SCTR: variants seen among roughly 807,000 people sequenced by gnomAD.
SCTR encodes the protein secretin receptor.
A neutral mutation model predicts 60.8 loss-of-function variants in SCTR; 56 were observed. The ratio of observed to expected loss-of-function variants is 0.92; its 90% CI spans 0.74 to 1.15. The LOEUF (loss-of-function observed/expected upper bound fraction) is 1.15, where lower values mean the gene tolerates loss of function less well. Ranked by LOEUF, SCTR falls within the 50% of genes most tolerant of loss-of-function variation. SCTR has a pLI of 0.00. For synonymous variants in SCTR, 202 were observed against 217.0 expected (o/e 0.93, Z 0.61); for missense variants, 562 against 550.4 (o/e 1.02, Z -0.21).
chr2:119,461,634 C>A (rs1683606054), intron 7 of SCTR, among the ~76,000 whole-genome samples: 1 of 149,702 alleles, frequency 6.7e-6, no homozygotes, highest in African/African-American at 2.5e-5. Flanking sequence ...TCACTTGAAC[C>A]TGGGAGATGA....
At chr2:119,519,616 C>T (rs550569653) in intron 1 of SCTR, among the ~76,000 whole-genome samples, 65 of 151,586 alleles carry the variant, frequency 4.3e-4, no homozygotes, top group African/African-American at 1.5e-3. Flanking sequence ...ACAAGCCTGG[C>T]CAATGTGGTG....
At chr2:119,441,446 C>G (rs1682650751) in intron 12 of SCTR, 112 bp downstream of exon 12, 1 of 846,150 alleles carries the variant, frequency 1.2e-6, no homozygotes, top group Non-Finnish European at 2.0e-6. Context: ...CCAGGACTCC[C>G]TCTGACCCTT....
chr2:119,522,098 C>G (rs920732550), intron 1 of SCTR, among the ~76,000 whole-genome samples: 27 of 152,106 alleles, frequency 1.8e-4, no homozygotes, highest in Non-Finnish European at 3.7e-4. Context: ...AGTTTCAGAC[C>G]AGCCTGACCA....
At chr2:119,483,963 T>C (rs1177610714) in intron 2 of SCTR, among the ~76,000 whole-genome samples, 1 of 151,996 alleles carries the variant, frequency 6.6e-6, no homozygotes, top group Non-Finnish European at 1.5e-5. Context: ...CAAGCAGGAA[T>C]GGGAGGCAGG....
chr2:119,510,664 A>T (rs1270140099), intron 1 of SCTR, among the ~76,000 whole-genome samples: 1 of 152,002 alleles, frequency 6.6e-6, no homozygotes, highest in Non-Finnish European at 1.5e-5. Context: ...AAGATGAAAG[A>T]ATTGCTGAAC....
chr2:119,442,974 C>T (rs1419871667), intron 11 of SCTR, among the ~76,000 whole-genome samples: 1 of 152,142 alleles, frequency 6.6e-6, no homozygotes, highest in Non-Finnish European at 1.5e-5. Context: ...CTCTCGGAGG[C>T]AGGTGGGAGG....
chr2:119,449,975 GGGAAGGAA>G (rs66849843), intron 9 of SCTR, among the ~76,000 whole-genome samples: 12 of 119,182 alleles, frequency 1.0e-4, no homozygotes, highest in South Asian at 9.4e-4. Flanking sequence ...GAGGGAGGGA[GGGAAGGAA>G]GGAAGGAAGG....
chr2:119,475,638 T>C lies in SCTR; in HGVS notation c.302-2082A>G, dbSNP rs1677245488. Among the ~76,000 whole-genome samples the C allele has an allele frequency of 2.7e-5, 4 of 146,668 alleles. No individual in the cohort carries two copies. The South Asian group carries it at 8.4e-4, about 31-fold the overall frequency. ...TATATATAGATGTAGATATTTATAT[T>C]ATATATATAATATAAATAGATATTT... On this transcript the variant is annotated intron_variant, in intron 3 of 12. Coordinates refer to ENST00000019103, the MANE Select transcript of SCTR (RefSeq NM_002980.3).
At chr2:119,469,860 T>C (rs1676926723) in intron 4 of SCTR, among the ~76,000 whole-genome samples, 2 of 152,176 alleles carry the variant, frequency 1.3e-5, no homozygotes, top group Admixed American at 1.3e-4. Context: ...GAAGCCTCAC[T>C]GTTGTCTGTC....
chr2:119,512,305 TCTTCCCCTTCCC>T (rs70947298), intron 1 of SCTR, among the ~76,000 whole-genome samples: 1,528 of 114,698 alleles, frequency 0.013, 40 homozygotes, highest in Middle Eastern at 0.033. Context: ...TTCCTCTTCC[TCTTCCCCTTCCC>T]CTTCCCCTTC....
chr2:119,506,207 A>G (rs1678734943), intron 1 of SCTR, among the ~76,000 whole-genome samples: 1 of 152,212 alleles, frequency 6.6e-6, no homozygotes, highest in Non-Finnish European at 1.5e-5. Context: ...CTGTTCATAA[A>G]TATTTATAGC....
At chr2:119,490,192 G>A (rs559482266) in intron 2 of SCTR, among the ~76,000 whole-genome samples, 1 of 152,332 alleles carries the variant, frequency 6.6e-6, no homozygotes, top group East Asian at 1.9e-4. Context: ...GGAGCCAGAG[G>A]GAAAGTGCAG....
chr2:119,466,535 C>T (rs933544045), intron 4 of SCTR, among the ~76,000 whole-genome samples: 5 of 152,054 alleles, frequency 3.3e-5, no homozygotes, highest in Admixed American at 3.3e-4. Flanking sequence ...AAGGATTGCT[C>T]GAGCTCAGGA....
Position 119,505,741 on chromosome 2 carries a change from G to T in SCTR, c.73-11193C>A, listed in dbSNP as rs377213526. 2.3e-4 allele frequency among the ~76,000 whole-genome samples: 35 copies of T among 150,580 alleles called. 2 individuals carry two copies. In the South Asian group the frequency reaches 6.3e-3, roughly 27 times the overall value. ...GGAGGGGGGAGGGATAGCTTTAGGAGATATACCTAATGCTAAATGAAGAGT... is the reference window on the plus strand; with the variant it reads ...GGAGGGGGGAGGGATAGCTTTAGGATATATACCTAATGCTAAATGAAGAGT... On this transcript the variant is annotated intron_variant, in intron 1 of 12. Transcript: ENST00000019103.
At chr2:119,496,552 A>T (rs760941911) in intron 1 of SCTR, among the ~76,000 whole-genome samples, 4 of 152,208 alleles carry the variant, frequency 2.6e-5, no homozygotes, top group Non-Finnish European at 5.9e-5. Flanking sequence ...CAAAACAAAC[A>T]TAAGAAGACT....
chr2:119,444,265 A>T (rs1013181643), intron 11 of SCTR, among the ~76,000 whole-genome samples: 2 of 107,500 alleles, frequency 1.9e-5, no homozygotes, highest in Admixed American at 1.8e-4. Context: ...ATATGAATAT[A>T]TACATATATA....
At chr2:119,513,120 T>C (rs1679009274) in intron 1 of SCTR, among the ~76,000 whole-genome samples, 1 of 152,204 alleles carries the variant, frequency 6.6e-6, no homozygotes, top group East Asian at 1.9e-4. Context: ...CTCTCCTCAG[T>C]GTCTGGGGCC....
intron 1 of SCTR, among the ~76,000 whole-genome samples, chr2:119,517,062 T>C (rs925315247): frequency 2.0e-5 from 3 of 149,614 alleles, no homozygotes; most frequent in African/African-American, 4.9e-5. Flanking sequence ...CACACACACA[T>C]GCACACAAAT....
intron 11 of SCTR, among the ~76,000 whole-genome samples, chr2:119,443,484 C>G (rs2104750041): frequency 6.6e-6 from 1 of 152,252 alleles, no homozygotes; most frequent in Non-Finnish European, 1.5e-5. Flanking sequence ...TTTTGAAAAA[C>G]TTTTCCTTAT....
Sources: gnomAD v4.1 joint callset for allele counts (sites outside exome capture counted in the v4.1 genomes callset) on GRCh38, gnomAD v4.1.1 for gene constraint, MANE v1.5 for transcripts, NCBI Gene and HGNC (gene_info 2026-07-23, HGNC 2026-07-21) for gene names.